The following CHD2 variants were observed in gnomAD, a reference collection of about 807,000 sequenced individuals.
CHD2 encodes the protein chromodomain helicase DNA binding protein 2.
In CHD2, 28 loss-of-function variants were observed where a neutral mutation model predicts 243.9. The observed-to-expected ratio is 0.11, with a 90% CI of 0.09 to 0.16. The LOEUF is 0.16. Ranked by LOEUF, CHD2 falls within the 10% of genes least tolerant of loss-of-function variation. The pLI is 1.00. For synonymous variants in CHD2, 775 were observed against 779.0 expected, an observed-to-expected ratio of 0.99 and a Z score of 0.09; for missense variants, 1,386 against 2,209.8, an observed-to-expected ratio of 0.63 and a Z score of 7.47.
At chr15:92,972,776 G>A (rs1279684016) in intron 19 of CHD2, among the ~76,000 whole-genome samples, 1 of 15,122 alleles carries the variant, frequency 6.6e-5, no homozygotes, top group African/African-American at 1.1e-4. Flanking sequence ...GCGTGAACCC[G>A]GGAGGCGGAG....
intron 7 of CHD2, among the ~76,000 whole-genome samples, chr15:92,940,693 C>A (rs1312517729): frequency 6.7e-6 from 1 of 148,702 alleles, no homozygotes; most frequent in East Asian, 2.0e-4. Flanking sequence ...TGTACTACAT[C>A]CAGGATTGTT....
chr15:93,022,718 C>G (rs948317228), intron 38 of CHD2, among the ~76,000 whole-genome samples: 1 of 152,208 alleles, frequency 6.6e-6, no homozygotes, highest in African/African-American at 2.4e-5. Flanking sequence ...ACTCTGGCCA[C>G]CTTGGTTCCC....
At chr15:92,901,526 C>G in intron 2 of CHD2, 2 of 565,218 alleles carry the variant, frequency 3.5e-6, no homozygotes, top group Middle Eastern at 4.6e-4. Flanking sequence ...TTACAGCAGT[C>G]AAAAGGTAAG....
rs116715400 is a variant in CHD2 at position 92,901,795 on chromosome 15, A to G, written c.62+496A>G. ...GAAAGTTATATGAATGAAAAAATGT[A>G]CATTTAAAAACAAAATCACTTAAAG... On this transcript the variant is annotated intron_variant, in intron 2 of 38. Coordinates refer to ENST00000394196, the MANE Select transcript of CHD2 (RefSeq NM_001271.4). 5.3e-3 allele frequency: 1,326 copies of G among 249,956 alleles called. 25 individuals are homozygous for G. Among genetic ancestry groups the G allele is most frequent in the African/African-American group, 0.028 (1,255 of 45,410 alleles). The allele number at this position is 249,956 out of a possible 1,614,324, so 15.5% of individuals were successfully genotyped here. A position where few individuals can be genotyped will look rare whatever the true frequency, so the allele number is the denominator to read the frequency against.
At chr15:93,023,679 G>GTTTTTTTTTTTTT in intron 38 of CHD2, among the ~76,000 whole-genome samples, 1 of 143,438 alleles carries the variant, frequency 7.0e-6, no homozygotes, top group Non-Finnish European at 1.6e-5. Flanking sequence ...TTTTTTTTTT[G>GTTTTTTTTTTTTT]TGTTTTTTTT....
At chr15:93,013,591 A>T (rs191868505) in intron 36 of CHD2, among the ~76,000 whole-genome samples, 21 of 152,308 alleles carry the variant, frequency 1.4e-4, no homozygotes, top group Non-Finnish European at 2.9e-4. Flanking sequence ...GGAGATAGAG[A>T]TTTAAACATG....
chr15:92,935,038 C>G (rs1185692531), intron 5 of CHD2, among the ~76,000 whole-genome samples: 1 of 138,694 alleles, frequency 7.2e-6, no homozygotes, highest in African/African-American at 2.6e-5. Flanking sequence ...TTCTTTCTTT[C>G]TTTTTTTTTT....
chr15:92,989,108 T>C (rs927858954), intron 26 of CHD2, among the ~76,000 whole-genome samples: 3 of 147,676 alleles, frequency 2.0e-5, no homozygotes, highest in Non-Finnish European at 4.5e-5. Flanking sequence ...TTTGGCTCAC[T>C]GCAACCTCCG....
At chr15:93,024,224 G>A in intron 38 of CHD2, 148 bp from the exon 39 acceptor site, 1 of 696,676 alleles carries the variant, frequency 1.4e-6, no homozygotes, top group South Asian at 1.9e-5. Flanking sequence ...AGTGTAAAAT[G>A]ACTCTGTTAT....
chr15:92,926,894 A>C (rs866630908), intron 3 of CHD2, among the ~76,000 whole-genome samples: 1 of 152,232 alleles, frequency 6.6e-6, no homozygotes, highest in Non-Finnish European at 1.5e-5. Context: ...GTCAAGACTG[A>C]AACTCAAAGC....
chr15:92,953,809 G>T, intron 14 of CHD2: 5 of 469,658 alleles, frequency 1.1e-5, no homozygotes, highest in South Asian at 6.0e-5. Context: ...CTTTTAGCTG[G>T]GTTGCAATAT....
intron 26 of CHD2, among the ~76,000 whole-genome samples, chr15:92,989,960 A>G (rs548130147): frequency 3.3e-5 from 5 of 152,170 alleles, no homozygotes; most frequent in South Asian, 4.1e-4. Context: ...TCCTATGAAC[A>G]TCTTTCCTCC....
chr15:92,943,695 A>G (rs376639320), intron 9 of CHD2: 1 of 154,778 alleles, frequency 6.5e-6, no homozygotes, highest in Non-Finnish European at 1.4e-5. Flanking sequence ...ACAAAAACCT[A>G]AACTGGGTAA....
At chr15:93,021,318 T>A (rs1205667241) in intron 38 of CHD2, 3 of 152,206 alleles carry the variant, frequency 2.0e-5, no homozygotes, top group Non-Finnish European at 4.4e-5. Context: ...TTAAAAAAAA[T>A]CACTGATTAT....
rs2054210216 is a variant in CHD2 at position 92,998,314 on chromosome 15, A to C, written c.3886-185A>C. 1 of 1,325,040 alleles carries C rather than the reference A, an allele frequency of 7.5e-7. No homozygotes were observed. The highest frequency in any genetic ancestry group is 2.8e-5 in the East Asian group (1 of 36,350). 82.1% of individuals were successfully genotyped at this position (1,325,040 alleles called of 1,614,324 possible). A position where few individuals can be genotyped will look rare whatever the true frequency, so the allele number is the denominator to read the frequency against. ...CTCCATCCCATTTTGTAAAATGAGA[A>C]CGGCTCGTGAGGGATTTTCAGTGAC... is the stretch of plus-strand genomic sequence containing the variant. On this transcript the variant is annotated intron_variant, in intron 30 of 38. Coordinates refer to ENST00000394196, the MANE Select transcript of CHD2 (RefSeq NM_001271.4). This position sits in a 1 kb window ranked among gnomAD's most constrained non-coding sequence, Gnocchi z 5.1.
In CHD2 at chr15:92,998,289, C is replaced by T; in HGVS notation, c.3886-210C>T. On this transcript the variant is annotated intron_variant, in intron 30 of 38. Transcript: ENST00000394196. The surrounding 1 kb of genome is among the most constrained non-coding windows in gnomAD (Gnocchi z 5.1). ...AGGAGCCATTGGGAGAGCTGGATTT[C>T]TCCATCCCATTTTGTAAAATGAGAA... The T allele has an allele frequency of 7.7e-7, 1 of 1,305,516 alleles. No individual in the cohort carries two copies. The highest frequency in any genetic ancestry group is 9.9e-7 in the Non-Finnish European group (1 of 1,013,430). The allele number at this position is 1,305,516 out of a possible 1,614,324, so 80.9% of individuals were successfully genotyped here.
At chr15:92,967,702 T>C (rs1302516211) in intron 17 of CHD2, among the ~76,000 whole-genome samples, 189 bp downstream of exon 17, 1 of 151,968 alleles carries the variant, frequency 6.6e-6, no homozygotes, top group Non-Finnish European at 1.5e-5. Context: ...ATTTTTTTTG[T>C]ATTTTTAGTA....
intron 26 of CHD2, among the ~76,000 whole-genome samples, chr15:92,988,358 T>G (rs558183882): frequency 3.3e-5 from 5 of 152,340 alleles, no homozygotes; most frequent in Admixed American, 2.0e-4. Flanking sequence ...GGGCTGGGAT[T>G]AGAAGCGTGA....
chr15:92,918,850 T>TAC (rs941884086), intron 2 of CHD2, among the ~76,000 whole-genome samples: 6 of 151,268 alleles, frequency 4.0e-5, no homozygotes, highest in African/African-American at 1.5e-4. Context: ...CACATATATA[T>TAC]ACATACATAT....
Sources: allele counts gnomAD v4.1 joint callset (sites outside exome capture counted in the v4.1 genomes callset), GRCh38; gene constraint gnomAD v4.1.1; non-coding constraint Gnocchi (gnomAD v3.1); transcripts MANE v1.5; gene names NCBI Gene and HGNC (gene_info 2026-07-23, HGNC 2026-07-21).